The following TOPAZ1 variants were observed in gnomAD, a reference collection of about 807,000 sequenced individuals.
TOPAZ1 encodes protein TOPAZ1.
In TOPAZ1, 66 loss-of-function variants were observed where a neutral mutation model predicts 172.2. The observed-to-expected ratio is 0.38, with a 90% confidence interval of 0.31 to 0.47. The LOEUF is 0.47. TOPAZ1 is among the 20% of genes least tolerant of loss of function. TOPAZ1 has a pLI of 0.99. For missense variants in TOPAZ1, 1,822 were observed against 1,972.4 expected, an observed-to-expected ratio of 0.92 and a Z score of 1.44; for synonymous variants, 681 against 683.9, an observed-to-expected ratio of 1.00 and a Z score of 0.07.
chr3:44,321,277 A>C, intron 17 of TOPAZ1, 86 bp downstream of exon 17: 2 of 920,252 alleles, frequency 2.2e-6, no homozygotes, highest in Non-Finnish European at 3.1e-6. Context: ...ACCTGTTTTG[A>C]TTGAGTTTTA....
chr3:44,301,428 A>G (rs1008293661), intron 12 of TOPAZ1, among the ~76,000 whole-genome samples: 12 of 152,196 alleles, frequency 7.9e-5, no homozygotes, highest in Admixed American at 2.0e-4. Context: ...ATAAGTATAT[A>G]TAACTTTTGT....
chr3:44,287,816 G>A lies in TOPAZ1; in HGVS notation c.3658G>A (p.Ala1220Thr). 1 of 1,464,560 alleles carries A rather than the reference G, an allele frequency of 6.8e-7. No homozygotes were observed. The highest frequency in any genetic ancestry group is 9.2e-7 in the Non-Finnish European group (1 of 1,081,420). 90.7% of individuals were successfully genotyped at this position (1,464,560 alleles called of 1,614,324 possible). ...ATMKLRNAVP[A>T]LIDIFCKLVE... ...TATGAAATTAAGGAATGCTGTACCTGCTTTAATTGATATCTTTTGCAAGGT... is the reference window on the plus strand; with the variant it reads ...TATGAAATTAAGGAATGCTGTACCTACTTTAATTGATATCTTTTGCAAGGT... The change falls in exon 11 of 20, where the codon GCT (alanine) becomes ACT (threonine). Residue 1220 changes from alanine to threonine, a missense_variant. This residue lies in a region of TOPAZ1 where 1,489 missense variants were observed against 1,490.8 expected (regional missense o/e 1.00). Transcript: ENST00000309765.
chr3:44,291,891 T>A (rs1700142468), intron 12 of TOPAZ1, among the ~76,000 whole-genome samples: 1 of 152,176 alleles, frequency 6.6e-6, no homozygotes, highest in African/African-American at 2.4e-5. Flanking sequence ...TATCTTCTAA[T>A]GCAGAGGTTC....
intron 4 of TOPAZ1, 21 bp downstream of exon 4, chr3:44,256,299 T>C: frequency 6.6e-7 from 1 of 1,506,958 alleles, no homozygotes; most frequent in African/African-American, 1.4e-5. Context: ...ATCTTTTGTG[T>C]TTTTTTATTT....
At chr3:44,285,677 C>G (rs1000105647) in intron 9 of TOPAZ1, among the ~76,000 whole-genome samples, 7 of 151,586 alleles carry the variant, frequency 4.6e-5, no homozygotes, top group African/African-American at 1.5e-4. Flanking sequence ...TCAAGCGATT[C>G]TCCTGCCTCA....
At position 44,242,843 on chromosome 3, in the gene TOPAZ1, T is replaced by A; in HGVS notation, c.347-10T>A. On this transcript the variant is annotated splice_polypyrimidine_tract_variant and intron_variant, in intron 1 of 19. Transcript: ENST00000309765. ...AAATCTTTTCTGATATATTTTGTTG[T>A]TTTGATCAGCCAAGGAAAAAAGAAA... 6.8e-7 allele frequency: 1 copy of A among 1,476,960 alleles called. No homozygotes were observed. The highest frequency in any genetic ancestry group is 1.4e-5 in the South Asian group (1 of 70,218). The allele number at this position is 1,476,960 out of a possible 1,614,324, so 91.5% of individuals were successfully genotyped here.
chr3:44,243,064 C>A lies in TOPAZ1; in HGVS notation c.558C>A (p.Thr186=). The change falls in exon 2 of 20, where the codon ACC becomes ACA. Residue 186 remains threonine, a synonymous_variant. Coordinates refer to ENST00000309765, the MANE Select transcript of TOPAZ1 (RefSeq NM_001145030.2). ...KSLENPPLKI[T]ENEATQNIKV... is the part of the protein sequence containing the mutation. ...TAGAAAACCCACCTCTCAAAATAAC[C>A]GAAAATGAGGCTACACAAAATATTA... is the stretch of plus-strand genomic sequence containing the variant. 6.5e-7 allele frequency: 1 copy of A among 1,544,640 alleles called. No individual in the cohort carries two copies. Among genetic ancestry groups the A allele is most frequent in the Non-Finnish European group, 8.7e-7 (1 of 1,145,286 alleles).
At chr3:44,289,746 C>G (rs184208722) in intron 11 of TOPAZ1, among the ~76,000 whole-genome samples, 29 of 152,302 alleles carry the variant, frequency 1.9e-4, no homozygotes, top group African/African-American at 6.3e-4. Context: ...AGCTTCTCCA[C>G]TTACCCCTGG....
intron 15 of TOPAZ1, among the ~76,000 whole-genome samples, chr3:44,307,502 A>T (rs1392393368): frequency 6.6e-6 from 1 of 152,142 alleles, no homozygotes. Context: ...TTCTTCACAT[A>T]TTCCTGAGGT....
chr3:44,336,288 G>A (rs1182931576), downstream of TOPAZ1, among the ~76,000 whole-genome samples: 2 of 152,210 alleles, frequency 1.3e-5, no homozygotes, highest in Non-Finnish European at 2.9e-5. Context: ...CTAAAAAGGA[G>A]TAAAGGAATA....
At chr3:44,294,320 A>G (rs1197718205) in intron 12 of TOPAZ1, among the ~76,000 whole-genome samples, 2 of 152,322 alleles carry the variant, frequency 1.3e-5, no homozygotes, top group South Asian at 2.1e-4. Flanking sequence ...TTGGTGACCT[A>G]TTTGATGATG....
chr3:44,275,360 C>T (rs1452738337), intron 8 of TOPAZ1, among the ~76,000 whole-genome samples: 3 of 152,052 alleles, frequency 2.0e-5, no homozygotes, highest in Non-Finnish European at 4.4e-5. Flanking sequence ...CTCCTACCTA[C>T]ACATTCTTCC....
In TOPAZ1 at chr3:44,242,116, C is replaced by G; in HGVS notation, c.63C>G (p.Asn21Lys). The change falls in exon 1 of 20, where the codon AAC becomes AAG. Residue 21 changes from asparagine to lysine, a missense_variant. Asn to Lys is a moderately conservative substitution (Grantham distance 94). This residue lies in a region of TOPAZ1 where 1,489 missense variants were observed against 1,490.8 expected (regional missense o/e 1.00). Coordinates refer to ENST00000309765, the MANE Select transcript of TOPAZ1 (RefSeq NM_001145030.2). ...TASGPEGNVR[N>K]LQKRQAPGPG... ...CAGGGCCTGAAGGCAATGTGCGAAACCTGCAGAAGCGGCAGGCGCCAGGGC... is the reference window on the plus strand; with the variant it reads ...CAGGGCCTGAAGGCAATGTGCGAAAGCTGCAGAAGCGGCAGGCGCCAGGGC... 1 of 1,548,810 alleles carries G rather than the reference C, an allele frequency of 6.5e-7. No individual in the cohort carries two copies. Among genetic ancestry groups the G allele is most frequent in the South Asian group, 1.2e-5 (1 of 83,954 alleles).
At chr3:44,307,427 T>C (rs754026271) in intron 15 of TOPAZ1, among the ~76,000 whole-genome samples, 52 of 152,186 alleles carry the variant, frequency 3.4e-4, no homozygotes, top group Non-Finnish European at 6.5e-4. Context: ...TATCTTGATG[T>C]CTAACTTTGA....
chr3:44,276,625 T>A lies in TOPAZ1; in HGVS notation c.3373-5343T>A, dbSNP rs1699961063. Among the ~76,000 whole-genome samples the A allele has an allele frequency of 6.5e-5, 4 of 61,114 alleles. No homozygotes were observed. In the South Asian group the frequency reaches 2.4e-3, roughly 36 times the overall value. The allele number at this position is 61,114 out of a possible 152,430, so 40.1% of individuals were successfully genotyped here. ...TAGTTTAATGCCTCCAGCTTTGTTC[T>A]TTTTTTTTTTTTTTTTTTTTTTTTT... On this transcript the variant is annotated intron_variant, in intron 8 of 19. Transcript: ENST00000309765.
At chr3:44,295,527 A>T (rs1256094524) in intron 12 of TOPAZ1, among the ~76,000 whole-genome samples, 5 of 152,184 alleles carry the variant, frequency 3.3e-5, no homozygotes, top group Admixed American at 1.3e-4. Flanking sequence ...CATTGTAAGG[A>T]TATAGGTAGT....
Position 44,278,017 on chromosome 3 carries a change from A to G in TOPAZ1, c.3373-3951A>G, listed in dbSNP as rs544249382. Among the ~76,000 whole-genome samples the G allele has an allele frequency of 4.6e-5, 7 of 152,312 alleles. No homozygotes were observed. The East Asian group carries it at 1.3e-3, about 29-fold the overall frequency. On this transcript the variant is annotated intron_variant, in intron 8 of 19. Coordinates refer to ENST00000309765, the MANE Select transcript of TOPAZ1 (RefSeq NM_001145030.2). Reference sequence around the variant, plus strand: ...TTTATAGCAATGCAAGAATGACCTAATAATACAATGGCCTTTACTATATTG... The same window carrying G: ...TTTATAGCAATGCAAGAATGACCTAGTAATACAATGGCCTTTACTATATTG...
downstream of TOPAZ1, among the ~76,000 whole-genome samples, chr3:44,332,982 T>G (rs963283337): frequency 2.7e-5 from 4 of 150,078 alleles, no homozygotes; most frequent in South Asian, 2.1e-4. Context: ...TTTTTTGGTG[T>G]TTTTTTTGTG....
intron 8 of TOPAZ1, among the ~76,000 whole-genome samples, chr3:44,273,549 A>G (rs1368444155): frequency 1.3e-5 from 2 of 152,228 alleles, no homozygotes; most frequent in Non-Finnish European, 2.9e-5. Flanking sequence ...AATTCAAATT[A>G]TTTAGTTTGG....
Sources: gnomAD v4.1 joint callset for allele counts (sites outside exome capture counted in the v4.1 genomes callset) on GRCh38, gnomAD v4.1.1 for gene constraint, gnomAD v4.1.1 regional missense constraint, MANE v1.5 for transcripts, NCBI Gene and HGNC (gene_info 2026-07-23, HGNC 2026-07-21) for gene names.